AK9: variants seen among roughly 807,000 people sequenced by gnomAD.
The protein encoded by AK9 is adenylate kinase 9, also known as adenylate kinase domain containing 1.
AK9 carries 191 observed loss-of-function variants against 239.6 expected under a neutral mutation model. That is an observed-to-expected ratio of 0.80 (90% CI 0.71 to 0.90). The LOEUF is 0.90. Among genes scored for constraint, AK9 ranks in the 40% least tolerant of loss-of-function variants. AK9 has a pLI of 0.00. For synonymous variants in AK9, 689 were observed against 721.0 expected, an observed-to-expected ratio of 0.96 and a Z score of 0.71; for missense variants, 1,995 against 2,214.7, an observed-to-expected ratio of 0.90 and a Z score of 1.99.
At chr6:109,614,543 G>T in intron 13 of AK9, 63 bp from the exon 14 acceptor site, 1 of 1,329,564 alleles carries the variant, frequency 7.5e-7, no homozygotes, top group Non-Finnish European at 1.1e-6. Context: ...CAGGTAGAGT[G>T]ACCAAAAGCC....
intron 17 of AK9, among the ~76,000 whole-genome samples, chr6:109,593,845 G>T (rs150925529): frequency 0.015 from 2,240 of 152,194 alleles, 59 homozygotes; most frequent in African/African-American, 0.052. Flanking sequence ...CAATAAACTA[G>T]GTATTGATGG....
intron 6 of AK9, among the ~76,000 whole-genome samples, chr6:109,661,568 A>T (rs1248759043): frequency 6.6e-6 from 1 of 152,156 alleles, no homozygotes; most frequent in Non-Finnish European, 1.5e-5. Flanking sequence ...TATCTCTGTT[A>T]TGTCCACATT....
intron 27 of AK9, among the ~76,000 whole-genome samples, chr6:109,538,048 G>C (rs894634151): frequency 1.3e-5 from 2 of 152,172 alleles, no homozygotes; most frequent in African/African-American, 4.8e-5. Flanking sequence ...TTTGGAATAA[G>C]TGTGATGTGG....
At chr6:109,634,138 G>A (rs1796443369) in intron 10 of AK9, among the ~76,000 whole-genome samples, 1 of 152,158 alleles carries the variant, frequency 6.6e-6, no homozygotes, top group Admixed American at 6.5e-5. Flanking sequence ...CTGTTAAGAG[G>A]TGATTAGGTC....
In AK9 at chr6:109,506,597, T is replaced by G. The variant is rs1309464729; in HGVS notation, c.4629-50A>C. 3 of 1,537,874 alleles carry G rather than the reference T, an allele frequency of 2.0e-6. No individual in the cohort carries two copies. In the East Asian group the frequency reaches 7.4e-5, roughly 38 times the overall value. On this transcript the variant is annotated intron_variant, in intron 34 of 40. Transcript: ENST00000424296. ...GGAAAAAGCTGTTAAAAACATATCT[T>G]TTCCCCCGTATGATTAAAGTTTATT...
At chr6:109,598,162 G>A (rs1382111830) in intron 17 of AK9, among the ~76,000 whole-genome samples, 3 of 152,038 alleles carry the variant, frequency 2.0e-5, no homozygotes, top group Non-Finnish European at 2.9e-5. Context: ...CCATGCTGGT[G>A]TGCTGCACCC....
intron 17 of AK9, among the ~76,000 whole-genome samples, chr6:109,588,110 G>T (rs975931917): frequency 6.7e-6 from 1 of 149,046 alleles, no homozygotes; most frequent in Non-Finnish European, 1.5e-5. Context: ...TCGCTCTGTC[G>T]CCCAGGCTGG....
chr6:109,602,258 G>C (rs1023159188), intron 17 of AK9, among the ~76,000 whole-genome samples: 9 of 152,132 alleles, frequency 5.9e-5, no homozygotes, highest in Non-Finnish European at 1.3e-4. Flanking sequence ...AGCTCTTGTA[G>C]GGCAGGCCTG....
chr6:109,498,528 C>G (rs767912071), intron 36 of AK9, among the ~76,000 whole-genome samples: 1 of 152,276 alleles, frequency 6.6e-6, no homozygotes, highest in African/African-American at 2.4e-5. Context: ...TTTCAACTAC[C>G]AATCTTTTAA....
chr6:109,660,261 T>TA (rs531216658), intron 6 of AK9, among the ~76,000 whole-genome samples: 1 of 151,686 alleles, frequency 6.6e-6, no homozygotes, highest in African/African-American at 2.4e-5. Flanking sequence ...TTTTTCAGGA[T>TA]AAAAAAAAAT....
chr6:109,608,840 AAAG>A (rs1431782824), intron 17 of AK9, among the ~76,000 whole-genome samples: 3 of 152,220 alleles, frequency 2.0e-5, no homozygotes, highest in African/African-American at 7.2e-5. Context: ...ATGAATCAAA[AAAG>A]AAACAATCCA....
At chr6:109,661,542 T>G (rs963844404) in intron 6 of AK9, among the ~76,000 whole-genome samples, 1 of 152,208 alleles carries the variant, frequency 6.6e-6, no homozygotes, top group African/African-American at 2.4e-5. Flanking sequence ...TTGTATGTGG[T>G]TTCAGTTGAA....
intron 24 of AK9, among the ~76,000 whole-genome samples, chr6:109,560,925 C>T (rs1468698028): frequency 6.6e-6 from 1 of 152,078 alleles, no homozygotes; most frequent in African/African-American, 2.4e-5. Flanking sequence ...TTTTGTATGT[C>T]TAACAGAGTC....
intron 1 of AK9, among the ~76,000 whole-genome samples, 174 bp from the exon 2 acceptor site, chr6:109,675,930 T>G (rs1380053880): frequency 6.6e-6 from 1 of 152,122 alleles, no homozygotes; most frequent in Non-Finnish European, 1.5e-5. Context: ...AAAACAATAG[T>G]AAGCTCTTAG....
chr6:109,572,329 T>A (rs558876344), intron 21 of AK9, among the ~76,000 whole-genome samples: 36 of 152,176 alleles, frequency 2.4e-4, no homozygotes, highest in African/African-American at 8.2e-4. Context: ...TCCCTGCAAG[T>A]AGGGGTAGAT....
intron 4 of AK9, 31 bp from the exon 5 acceptor site, chr6:109,672,046 T>C (rs756768572): frequency 6.2e-7 from 1 of 1,610,998 alleles, no homozygotes; most frequent in Non-Finnish European, 8.5e-7. Context: ...TGTACATTAC[T>C]GTATAATATA....
At chr6:109,648,141 A>T (rs1478732067) in intron 8 of AK9, among the ~76,000 whole-genome samples, 1 of 152,240 alleles carries the variant, frequency 6.6e-6, no homozygotes, top group Non-Finnish European at 1.5e-5. Flanking sequence ...AAAGCAGGCA[A>T]GATCTAAAAT....
intron 24 of AK9, among the ~76,000 whole-genome samples, chr6:109,561,790 T>C (rs1477895324): frequency 6.6e-6 from 1 of 152,252 alleles, no homozygotes; most frequent in Non-Finnish European, 1.5e-5. Context: ...TACTTGGTGC[T>C]ATTATAATAT....
intron 38 of AK9, 74 bp downstream of exon 38, chr6:109,497,391 C>G: frequency 1.2e-6 from 1 of 841,772 alleles, no homozygotes; most frequent in Non-Finnish European, 2.0e-6. Context: ...CTCTCACACA[C>G]TCCTCTCCCC....
Sources: allele counts gnomAD v4.1 joint callset (sites outside exome capture counted in the v4.1 genomes callset), GRCh38; gene constraint gnomAD v4.1.1; transcripts MANE v1.5; gene names NCBI Gene and HGNC (gene_info 2026-07-23, HGNC 2026-07-21).